WASHC4: variants seen among roughly 807,000 people sequenced by gnomAD.
WASHC4 encodes WASH complex subunit 7.
WASHC4 carries 86 observed loss-of-function variants against 166.6 expected under a neutral mutation model. The observed-to-expected ratio is 0.52, with a 90% CI of 0.43 to 0.62. The LOEUF is 0.62. Ranked by LOEUF, WASHC4 falls within the 20% of genes least tolerant of loss-of-function variation. The pLI, the probability that WASHC4 is intolerant of heterozygous loss-of-function variation, is 0.00. For missense variants in WASHC4, 1,262 were observed against 1,382.4 expected, an observed-to-expected ratio of 0.91 and a Z score of 1.38; for synonymous variants, 446 against 451.6, an observed-to-expected ratio of 0.99 and a Z score of 0.16.
rs768991244 is a variant in WASHC4, at chr12:105,147,192, A to G, written c.2514+46A>G. ...GTTGAGTGGGTAATAGACCCGTTTA[A>G]TAGCTTGGAACGTGGTTTTCTCATA... On this transcript the variant is annotated intron_variant, in intron 24 of 32. Coordinates refer to ENST00000332180, the MANE Select transcript of WASHC4 (RefSeq NM_015275.3). 14 of 1,064,158 alleles carry G rather than the reference A, an allele frequency of 1.3e-5. No individual in the cohort carries two copies. The South Asian group carries it at 1.6e-4, about 12-fold the overall frequency. The allele number at this position is 1,064,158 out of a possible 1,614,324, so 65.9% of individuals were successfully genotyped here.
chr12:105,146,821 G>A (rs1345836856), intron 23 of WASHC4, among the ~76,000 whole-genome samples: 4 of 151,920 alleles, frequency 2.6e-5, no homozygotes, highest in Admixed American at 6.6e-5. Context: ...CTCCAGAATC[G>A]TAAACTTCTG....
chr12:105,148,021 C>G, intron 24 of WASHC4: 1 of 985,194 alleles, frequency 1.0e-6, no homozygotes. Context: ...ACCTGGTTTT[C>G]AGAGCACAGT....
intron 1 of WASHC4, among the ~76,000 whole-genome samples, chr12:105,110,081 A>G (rs1264992813): frequency 6.6e-6 from 1 of 152,218 alleles, no homozygotes; most frequent in Non-Finnish European, 1.5e-5. Context: ...TCTGTGAATC[A>G]TATCTAGACT....
intron 14 of WASHC4, among the ~76,000 whole-genome samples, chr12:105,135,064 G>T (rs1351712200): frequency 6.6e-6 from 1 of 151,768 alleles, no homozygotes; most frequent in East Asian, 1.9e-4. Context: ...CTTTCCTGAC[G>T]GTATAAGGAT....
chr12:105,164,030 T>C (rs1039428491), intron 30 of WASHC4, 81 bp from the exon 31 acceptor site: 1 of 1,195,308 alleles, frequency 8.4e-7, no homozygotes, highest in Non-Finnish European at 1.2e-6. Flanking sequence ...GAATGCTTAG[T>C]GTTGGGAATT....
At chr12:105,108,635 G>A (rs1879318239) in intron 1 of WASHC4, among the ~76,000 whole-genome samples, 1 of 152,156 alleles carries the variant, frequency 6.6e-6, no homozygotes, top group Non-Finnish European at 1.5e-5. Context: ...TAATTGTAGT[G>A]AAACTCTACT....
In WASHC4 at chr12:105,147,033, T is replaced by C; in HGVS notation, c.2410-9T>C. 6.6e-7 allele frequency: 1 copy of C among 1,525,340 alleles called. No homozygotes were observed. The highest frequency in any genetic ancestry group is 9.1e-7 in the Non-Finnish European group (1 of 1,099,130). The allele number at this position is 1,525,340 out of a possible 1,614,324, so 94.5% of individuals were successfully genotyped here. A position where few individuals can be genotyped will look rare whatever the true frequency, so the allele number is the denominator to read the frequency against. On this transcript the variant is annotated splice_polypyrimidine_tract_variant and intron_variant, in intron 23 of 32. Transcript: ENST00000332180. The stretch of plus-strand genomic sequence containing the variant: ...CGTTGTTACTGAGCATAAATTTGTT[T>C]CATTGCAGATTTTTATTGAACGAAC...
At chr12:105,118,320 T>G in intron 6 of WASHC4, 126 bp from the exon 7 acceptor site, 2 of 738,528 alleles carry the variant, frequency 2.7e-6, no homozygotes, top group Admixed American at 4.0e-5. Context: ...TGTCTGGCTT[T>G]TGGTTAACTG....
chr12:105,127,899 C>T (rs574740467), intron 13 of WASHC4, among the ~76,000 whole-genome samples: 2 of 152,006 alleles, frequency 1.3e-5, no homozygotes, highest in East Asian at 1.9e-4. Context: ...TTCAAATATA[C>T]GTAAAGTAGA....
At position 105,118,423 on chromosome 12, in the gene WASHC4, A is replaced by G. The variant is rs547668648; in HGVS notation, c.436-23A>G. On this transcript the variant is annotated intron_variant, in intron 6 of 32. Coordinates refer to ENST00000332180, the MANE Select transcript of WASHC4 (RefSeq NM_015275.3). ...GAGATTTAAAGAGTAACTTTATAAT[A>G]TATACCCACCTTCTCGTTTCAGGAA... The G allele has an allele frequency of 2.3e-4, 349 of 1,520,582 alleles. 1 individual carries two copies. In the South Asian group the frequency reaches 3.7e-3, roughly 16 times the overall value. 94.2% of individuals were successfully genotyped at this position (1,520,582 alleles called of 1,614,324 possible).
intron 2 of WASHC4, among the ~76,000 whole-genome samples, chr12:105,113,382 C>T (rs1433545829): frequency 6.6e-6 from 1 of 151,822 alleles, no homozygotes; most frequent in Non-Finnish European, 1.5e-5. Flanking sequence ...AGGGTGAAAT[C>T]ATCTCTTAGT....
intron 15 of WASHC4, among the ~76,000 whole-genome samples, chr12:105,139,873 C>G (rs986897790): frequency 6.6e-6 from 1 of 150,774 alleles, no homozygotes; most frequent in Non-Finnish European, 1.5e-5. Flanking sequence ...TTTATCAGTT[C>G]TATACTTTGT....
At chr12:105,158,124 TAAGAG>T (rs1242766493) in intron 28 of WASHC4, among the ~76,000 whole-genome samples, 6 of 152,198 alleles carry the variant, frequency 3.9e-5, no homozygotes, top group African/African-American at 1.4e-4. Flanking sequence ...ATCATAATGA[TAAGAG>T]AATGAAAGTC....
intron 1 of WASHC4, among the ~76,000 whole-genome samples, chr12:105,110,074 G>C (rs967059585): frequency 6.6e-6 from 1 of 152,142 alleles, no homozygotes; most frequent in African/African-American, 2.4e-5. Flanking sequence ...TTTTTGGTCT[G>C]TGAATCATAT....
chr12:105,164,137 G>A lies in WASHC4; in HGVS notation c.3184G>A (p.Asp1062Asn), dbSNP rs777538031. 6.2e-7 allele frequency: 1 copy of A among 1,614,094 alleles called. No homozygotes were observed. Among genetic ancestry groups the A allele is most frequent in the Admixed American group, 1.7e-5 (1 of 60,024 alleles). Residue 1062 changes from aspartate to asparagine, a missense_variant, in exon 31 of 33, where the codon GAT (aspartate) becomes AAT (asparagine). Transcript: ENST00000332180. ...MGVAYILKLL[D>N]QYREFDSLHW... ...TGTGGCTTACATTCTAAAGCTTTTG[G>A]ATCAGTATCGGGAGTTTGATTCACT...
At chr12:105,118,967 A>G (rs140226390) in intron 7 of WASHC4, among the ~76,000 whole-genome samples, 150 of 152,354 alleles carry the variant, frequency 9.8e-4, no homozygotes, top group African/African-American at 3.6e-3. Context: ...AAATATACCC[A>G]GTAAAATATA....
chr12:105,145,460 A>T (rs964384805), intron 22 of WASHC4, among the ~76,000 whole-genome samples: 2 of 152,062 alleles, frequency 1.3e-5, no homozygotes, highest in Non-Finnish European at 2.9e-5. Context: ...ATTCAGTTCT[A>T]AAATTTGAGG....
intron 13 of WASHC4, among the ~76,000 whole-genome samples, chr12:105,131,037 T>C (rs916035393): frequency 6.6e-6 from 1 of 152,068 alleles, no homozygotes; most frequent in African/African-American, 2.4e-5. Flanking sequence ...ACTTGCTTTT[T>C]AAAACTTGAA....
At chr12:105,152,498 G>A in intron 26 of WASHC4, 47 bp downstream of exon 26, 1 of 998,132 alleles carries the variant, frequency 1.0e-6, no homozygotes, top group Non-Finnish European at 1.6e-6. Flanking sequence ...GATCCCTACA[G>A]TCTATCTCAT....
Sources: allele counts gnomAD v4.1 joint callset (sites outside exome capture counted in the v4.1 genomes callset), GRCh38; gene constraint gnomAD v4.1.1; transcripts MANE v1.5; gene names NCBI Gene and HGNC (gene_info 2026-07-23, HGNC 2026-07-21).